Variants in BAG4 observed in about 807,000 individuals in gnomAD.
BAG4 encodes the protein BAG cochaperone 4.
In BAG4, 28 loss-of-function variants were observed where a neutral mutation model predicts 52.1. That is an observed-to-expected ratio of 0.54 (90% confidence interval 0.40 to 0.74). The LOEUF (loss-of-function observed/expected upper bound fraction) is 0.74, where lower values mean the gene tolerates loss of function less well. BAG4 is among the 30% of genes least tolerant of loss of function. The pLI is 0.00. For synonymous variants in BAG4, 208 were observed against 217.0 expected, an observed-to-expected ratio of 0.96 and a Z score of 0.37; for missense variants, 525 against 572.0, an observed-to-expected ratio of 0.92 and a Z score of 0.84.
At chr8:38,182,332 C>T (rs1038471224) in intron 1 of BAG4, among the ~76,000 whole-genome samples, 1 of 152,112 alleles carries the variant, frequency 6.6e-6, no homozygotes. Flanking sequence ...TTATGTAGTA[C>T]GAGTGCTACT....
chr8:38,201,892 T>TTTA (rs1339890012), intron 2 of BAG4: 3 of 105,952 alleles, frequency 2.8e-5, no homozygotes, highest in African/African-American at 1.2e-4. Context: ...TTTTTTTTTT[T>TTTA]TTTTTTTTTT....
chr8:38,185,979 TTACTC>T (rs1475507609), intron 1 of BAG4, among the ~76,000 whole-genome samples: 2 of 152,142 alleles, frequency 1.3e-5, no homozygotes, highest in South Asian at 2.1e-4. Context: ...GATAGAAACT[TTACTC>T]TAGAGGGTGT....
intron 2 of BAG4, among the ~76,000 whole-genome samples, chr8:38,200,317 T>C (rs1803638990): frequency 6.6e-6 from 1 of 151,812 alleles, no homozygotes; most frequent in African/African-American, 2.4e-5. Flanking sequence ...TGGGTACCCT[T>C]CCTAAAAATC....
chr8:38,206,964 T>G (rs577456320), intron 2 of BAG4, among the ~76,000 whole-genome samples: 1 of 149,866 alleles, frequency 6.7e-6, no homozygotes, highest in South Asian at 2.1e-4. Context: ...TTTTTTTTTT[T>G]TTTTTGAGAT....
chr8:38,185,413 T>C (rs1341507705), intron 1 of BAG4, among the ~76,000 whole-genome samples: 2 of 152,128 alleles, frequency 1.3e-5, no homozygotes, highest in Non-Finnish European at 2.9e-5. Flanking sequence ...ATAAAATAAG[T>C]TCAAAATAAT....
chr8:38,192,465 CG>C (rs1563281654), intron 1 of BAG4, among the ~76,000 whole-genome samples: 1 of 151,948 alleles, frequency 6.6e-6, no homozygotes, highest in African/African-American at 2.4e-5. Context: ...TTTTAAGAGA[CG>C]GGGTCTCTCT....
chr8:38,178,346 G>A (rs939196646), intron 1 of BAG4, among the ~76,000 whole-genome samples: 1 of 152,104 alleles, frequency 6.6e-6, no homozygotes, highest in Admixed American at 6.6e-5. Context: ...GTACAGACGG[G>A]GTTTCGCCAT....
intron 2 of BAG4, among the ~76,000 whole-genome samples, chr8:38,196,107 T>C (rs1397896343): frequency 5.9e-5 from 9 of 152,230 alleles, no homozygotes; most frequent in Non-Finnish European, 7.3e-5. Flanking sequence ...TTGGGTTGTC[T>C]TTCGTTTTTG....
At position 38,179,319 on chromosome 8, in the gene BAG4, A is replaced by G. The variant is rs191335561; in HGVS notation, c.270+2180A>G. Among the ~76,000 whole-genome samples, 248 of 151,836 alleles carry G rather than the reference A, an allele frequency of 1.6e-3. 2 individuals are homozygous for G. The highest frequency in any genetic ancestry group is 5.6e-3 in the African/African-American group (232 of 41,454). ...TTACAGGCGCCTGCCACCATGCCCA[A>G]CTAAATTTTGTATTTTAAGTAGAGA... On this transcript the variant is annotated intron_variant, in intron 1 of 4. Coordinates refer to ENST00000287322, the MANE Select transcript of BAG4 (RefSeq NM_004874.4).
chr8:38,210,105 A>G lies in BAG4; in HGVS notation c.986A>G (p.Asn329Ser), dbSNP rs770712519. The G allele has an allele frequency of 1.5e-5, 24 of 1,614,054 alleles. No homozygotes were observed. Among genetic ancestry groups the G allele is most frequent in the Non-Finnish European group, 1.7e-5 (20 of 1,180,046 alleles). Residue 329 changes from asparagine to serine, a missense_variant, in exon 5 of 5, where the codon AAT becomes AGT. Physicochemically the swap from Asn to Ser is conservative, Grantham distance 46. Around this residue, in one of 2 missense-constraint regions of BAG4, gnomAD observed 238 missense variants for 305.8 expected, o/e 0.78. Coordinates refer to ENST00000287322, the MANE Select transcript of BAG4 (RefSeq NM_004874.4). The stretch of plus-strand genomic sequence containing the variant: ...TACGAATCCTCGGGGACAGTGAACA[A>G]TGATGATTCAGATCTTTTGGATTCC... Reference protein sequence around the residue: ...HQYESSGTVNNDDSDLLDSQV... With the variant: ...HQYESSGTVNSDDSDLLDSQV...
intron 1 of BAG4, among the ~76,000 whole-genome samples, chr8:38,186,798 A>G (rs1294923041): frequency 6.6e-6 from 1 of 152,220 alleles, no homozygotes; most frequent in African/African-American, 2.4e-5. Flanking sequence ...GATACACTCA[A>G]AGAAAGTCTT....
intron 1 of BAG4, among the ~76,000 whole-genome samples, chr8:38,182,538 G>A (rs1277601762): frequency 6.6e-6 from 1 of 152,174 alleles, no homozygotes; most frequent in East Asian, 1.9e-4. Context: ...CTTTGGCATA[G>A]AACTTTAATT....
intron 1 of BAG4, among the ~76,000 whole-genome samples, chr8:38,185,345 G>GA (rs1172595757): frequency 1.3e-5 from 2 of 151,918 alleles, no homozygotes; most frequent in Non-Finnish European, 2.9e-5. Context: ...TATTTTATAT[G>GA]AAAAAAATCT....
chr8:38,187,188 G>C (rs1394545814), intron 1 of BAG4, among the ~76,000 whole-genome samples: 2 of 152,128 alleles, frequency 1.3e-5, no homozygotes, highest in Non-Finnish European at 2.9e-5. Flanking sequence ...AAAAAACTAT[G>C]ATTAAAGAAG....
intron 1 of BAG4, among the ~76,000 whole-genome samples, chr8:38,188,544 A>G (rs905523184): frequency 4.0e-5 from 6 of 151,430 alleles, no homozygotes; most frequent in Non-Finnish European, 8.8e-5. Context: ...TTAATTAAAA[A>G]TTACATATAT....
rs1439697660 is a variant in BAG4, at chr8:38,177,032, G to A, written c.163G>A (p.Gly55Ser). 13 of 1,603,944 alleles carry A rather than the reference G, an allele frequency of 8.1e-6. No homozygotes were observed. Among genetic ancestry groups the A allele is most frequent in the African/African-American group, 1.3e-5 (1 of 74,816 alleles). ...QPPISWRVRG[G>S]GPAETTWLGE... ...TCCCATTTCCTGGCGGGTGCGCGGGGGCGGCCCGGCGGAGACCACCTGGCT... is the reference window on the plus strand; with the variant it reads ...TCCCATTTCCTGGCGGGTGCGCGGGAGCGGCCCGGCGGAGACCACCTGGCT... The change falls in exon 1 of 5, where the codon GGC becomes AGC. Residue 55 changes from glycine (G) to serine (S), a missense_variant. This residue lies in a region of BAG4 where 287 missense variants were observed against 266.1 expected (regional missense o/e 1.08). Transcript: ENST00000287322.
chr8:38,179,357 G>A (rs894579420), intron 1 of BAG4, among the ~76,000 whole-genome samples: 13 of 151,638 alleles, frequency 8.6e-5, no homozygotes, highest in Admixed American at 2.0e-4. Flanking sequence ...GGGTTTTGTC[G>A]TGTGGGCCAG....
chr8:38,197,479 A>G (rs1585660488), intron 2 of BAG4, among the ~76,000 whole-genome samples: 2 of 152,320 alleles, frequency 1.3e-5, no homozygotes, highest in African/African-American at 4.8e-5. Context: ...AAAATATTAT[A>G]TCACACTTGT....
chr8:38,180,150 A>G (rs1382527897), intron 1 of BAG4, among the ~76,000 whole-genome samples: 1 of 152,240 alleles, frequency 6.6e-6, no homozygotes, highest in Non-Finnish European at 1.5e-5. Context: ...AGTTTGTACT[A>G]TCTTTCAGAT....
Sources: gnomAD v4.1 joint callset for allele counts (sites outside exome capture counted in the v4.1 genomes callset) on GRCh38, gnomAD v4.1.1 for gene constraint, gnomAD v4.1.1 regional missense constraint, MANE v1.5 for transcripts, NCBI Gene and HGNC (gene_info 2026-07-23, HGNC 2026-07-21) for gene names.